DDIAS: variants seen among roughly 807,000 people sequenced by gnomAD.
DDIAS encodes the protein DNA damage induced apoptosis suppressor, also known as DNA damage-induced apoptosis suppressor protein.
In DDIAS, 14 loss-of-function variants were observed where a neutral mutation model predicts 15.7. That is an observed-to-expected ratio of 0.89 (90% CI 0.59 to 1.39). DDIAS has a LOEUF of 1.39. Among genes scored for constraint, DDIAS ranks in the 40% most tolerant of loss-of-function variants. The probability of loss-of-function intolerance (pLI) is 0.00; values close to 1 mark genes in which losing one functional copy is unlikely to be tolerated. For missense variants in DDIAS, 1,035 were observed against 1,130.9 expected, an observed-to-expected ratio of 0.92 and a Z score of 1.22; for synonymous variants, 355 against 395.9, an observed-to-expected ratio of 0.90 and a Z score of 1.23.
intron 3 of DDIAS, among the ~76,000 whole-genome samples, chr11:82,923,140 C>T (rs1292366363): frequency 1.3e-5 from 2 of 152,146 alleles, no homozygotes; most frequent in Non-Finnish European, 2.9e-5. Flanking sequence ...TCTGTGGGTC[C>T]TCTTGGGATT....
At chr11:82,919,875 A>C (rs1860710534) in intron 3 of DDIAS, among the ~76,000 whole-genome samples, 2 of 151,972 alleles carry the variant, frequency 1.3e-5, no homozygotes, top group Non-Finnish European at 2.9e-5. Flanking sequence ...ACTGGTGCCC[A>C]CCACCATGCC....
At chr11:82,916,784 A>G (rs577288339) in intron 3 of DDIAS, among the ~76,000 whole-genome samples, 2 of 152,322 alleles carry the variant, frequency 1.3e-5, no homozygotes, top group African/African-American at 4.8e-5. Flanking sequence ...GTTAATGCCA[A>G]CCTTTAAAGG....
In DDIAS at chr11:82,934,183, C is replaced by G. The variant is rs1861069218; in HGVS notation, c.2845C>G (p.Pro949Ala). The stretch of plus-strand genomic sequence containing the variant: ...AAGTTCAGGCTGGATTTCCAAATGT[C>G]CAGACATTCAAGTCTTAGCAGCACC... ...CKSSGWISKC[P>A]DIQVLAAPQL... The change falls in exon 6 of 6, where the codon CCA (proline) becomes GCA (alanine). Residue 949 changes from proline to alanine, a missense_variant. Transcript: ENST00000533655. 6.2e-7 allele frequency: 1 copy of G among 1,613,900 alleles called. No individual in the cohort carries two copies. The highest frequency in any genetic ancestry group is 1.3e-5 in the African/African-American group (1 of 74,914).
At position 82,931,823 on chromosome 11, in the gene DDIAS, C is replaced by T. The variant is rs1369613339; in HGVS notation, c.485C>T (p.Ala162Val). 2 of 1,614,188 alleles carry T rather than the reference C, an allele frequency of 1.2e-6. No homozygotes were observed. The highest frequency in any genetic ancestry group is 2.2e-5 in the East Asian group (1 of 44,886). ...AAAAGAAAAGCCAAAGCACTAGTGGCTTGCCAGATTGTTCTACCAGACCCA... is the reference window on the plus strand; with the variant it reads ...AAAAGAAAAGCCAAAGCACTAGTGGTTTGCCAGATTGTTCTACCAGACCCA... Reference protein sequence around the residue: ...DHKRKAKALVACQIVLPDPGI... With the variant: ...DHKRKAKALVVCQIVLPDPGI... The change falls in exon 6 of 6, where the codon GCT becomes GTT. Residue 162 changes from alanine (A) to valine (V), a missense_variant. Transcript: ENST00000533655.
intron 1 of DDIAS, among the ~76,000 whole-genome samples, chr11:82,912,233 C>T (rs1268202698): frequency 6.6e-6 from 1 of 152,178 alleles, no homozygotes; most frequent in Non-Finnish European, 1.5e-5. Flanking sequence ...ACTTCTCTAG[C>T]TATGAAAGTC....
In DDIAS at chr11:82,932,194, A is replaced by G. The variant is rs752542863; in HGVS notation, c.856A>G (p.Ser286Gly). ...CTCCATTGCAGAGGCCACTGGTTCC[A>G]GTAGCTGCCATGATCCCATTCAGGA... ...SISIAEATGS[S>G]SCHDPIQDSW... Residue 286 changes from serine to glycine, a missense_variant, in exon 6 of 6, where the codon AGT (serine) becomes GGT (glycine). By Grantham distance (56) the Ser-to-Gly change is moderately conservative. Transcript: ENST00000533655. 2 of 1,614,244 alleles carry G rather than the reference A, an allele frequency of 1.2e-6. No individual in the cohort carries two copies. Among genetic ancestry groups the G allele is most frequent in the South Asian group, 2.2e-5 (2 of 91,090 alleles).
chr11:82,928,244 G>T (rs895991344), intron 3 of DDIAS, among the ~76,000 whole-genome samples: 5 of 119,808 alleles, frequency 4.2e-5, no homozygotes, highest in African/African-American at 6.5e-5. Context: ...TGCCCCCCAG[G>T]CTGTAGTGCA....
intron 3 of DDIAS, among the ~76,000 whole-genome samples, chr11:82,921,365 G>A (rs1181015809): frequency 1.3e-5 from 2 of 151,958 alleles, no homozygotes; most frequent in African/African-American, 2.4e-5. Context: ...ATTTACATTC[G>A]ATGTTAGTAT....
chr11:82,931,072 C>T (rs1045317009), intron 5 of DDIAS, among the ~76,000 whole-genome samples: 2 of 152,012 alleles, frequency 1.3e-5, no homozygotes, highest in African/African-American at 2.4e-5. Context: ...TTTCTAAGCA[C>T]TGTGCAGTTT....
intron 3 of DDIAS, among the ~76,000 whole-genome samples, chr11:82,920,342 A>C (rs947589878): frequency 6.6e-6 from 1 of 151,478 alleles, no homozygotes; most frequent in African/African-American, 2.4e-5. Context: ...GGTTTCATGT[A>C]TCTTTTGTAT....
In DDIAS at chr11:82,934,248, AG is replaced by A. The variant is rs772401285; in HGVS notation, c.2911del (p.Val971SerfsTer37). On this transcript the variant is annotated frameshift_variant, in exon 6 of 6. Coordinates refer to ENST00000533655, the MANE Select transcript of DDIAS (RefSeq NM_145018.4). LOFTEE classifies it low-confidence loss of function (END_TRUNC). ...PILGPDSCSE[V>X]KCCLPFSEKG... Reference sequence around the variant, plus strand: ...TTCTTGGACCTGATTCTTGTTCAGAAGTCAAATGTTGCCTTCCATTTTCAGA... The same window carrying A: ...TTCTTGGACCTGATTCTTGTTCAGAATCAAATGTTGCCTTCCATTTTCAGA... 6.2e-7 allele frequency: 1 copy of A among 1,613,922 alleles called. No individual in the cohort carries two copies. Among genetic ancestry groups the A allele is most frequent in the Non-Finnish European group, 8.5e-7 (1 of 1,179,942 alleles).
chr11:82,910,774 CCTGA>C (rs1306723194), intron 1 of DDIAS, among the ~76,000 whole-genome samples: 1 of 151,894 alleles, frequency 6.6e-6, no homozygotes, highest in Non-Finnish European at 1.5e-5. Flanking sequence ...TACTACCACG[CCTGA>C]CTAATTTTTT....
Position 82,931,716 on chromosome 11 carries a change from T to C in DDIAS, c.394-16T>C, listed in dbSNP as rs779312005. On this transcript the variant is annotated splice_polypyrimidine_tract_variant and intron_variant, in intron 5 of 5. Coordinates refer to ENST00000533655, the MANE Select transcript of DDIAS (RefSeq NM_145018.4). ...ACAATTTTATTCTTACTTAAATTTC[T>C]TTGCTTCTTTCACAGAATTTTGAAA... 6.4e-7 allele frequency: 1 copy of C among 1,559,682 alleles called. No homozygotes were observed. The highest frequency in any genetic ancestry group is 8.6e-7 in the Non-Finnish European group (1 of 1,157,348).
intron 5 of DDIAS, among the ~76,000 whole-genome samples, chr11:82,930,685 A>G (rs1278134888): frequency 6.6e-6 from 1 of 152,150 alleles, no homozygotes; most frequent in Non-Finnish European, 1.5e-5. Context: ...AGTATTGATA[A>G]GAATACTAAA....
chr11:82,907,406 T>A (rs1860453315), intron 1 of DDIAS, among the ~76,000 whole-genome samples: 1 of 152,140 alleles, frequency 6.6e-6, no homozygotes, highest in South Asian at 2.1e-4. Flanking sequence ...GAAAAGCCAT[T>A]CCCTTTGTTA....
Position 82,933,787 on chromosome 11 carries a change from C to G in DDIAS, c.2449C>G (p.Gln817Glu). 3 of 1,612,014 alleles carry G rather than the reference C, an allele frequency of 1.9e-6. No homozygotes were observed. The highest frequency in any genetic ancestry group is 1.7e-5 in the Admixed American group (1 of 59,506). ...KIRIFPENDK[Q>E]QASPSCPKNI... ...AAGGATTTTCCCTGAAAATGACAAA[C>G]AGCAAGCCAGCCCAAGCTGTCCAAA... The change falls in exon 6 of 6, where the codon CAG (glutamine) becomes GAG (glutamate). Residue 817 changes from glutamine to glutamate, a missense_variant. Physicochemically the swap from Gln to Glu is conservative, Grantham distance 29. Transcript: ENST00000533655.
At chr11:82,907,889 C>T (rs566971034) in intron 1 of DDIAS, among the ~76,000 whole-genome samples, 3 of 152,306 alleles carry the variant, frequency 2.0e-5, no homozygotes, top group African/African-American at 7.2e-5. Context: ...GAGCACTGTT[C>T]TAAGCACTGG....
chr11:82,914,125 G>A, intron 2 of DDIAS: 1 of 296,146 alleles, frequency 3.4e-6, no homozygotes, highest in South Asian at 2.6e-5. Flanking sequence ...AGTGGAGATG[G>A]GGTTTCACCA....
chr11:82,905,376 T>C (rs1860406868), intron 1 of DDIAS, among the ~76,000 whole-genome samples: 1 of 152,156 alleles, frequency 6.6e-6, no homozygotes. Context: ...ATTTATTGAT[T>C]TTTTTCTAAT....
Sources: allele counts gnomAD v4.1 joint callset (sites outside exome capture counted in the v4.1 genomes callset), GRCh38; gene constraint gnomAD v4.1.1; transcripts MANE v1.5; gene names NCBI Gene and HGNC (gene_info 2026-07-23, HGNC 2026-07-21).